Variants in NOC4L observed in about 807,000 individuals in gnomAD.
NOC4L encodes nucleolar complex associated 4 homolog.
NOC4L carries 40 observed loss-of-function variants against 62.8 expected under a neutral mutation model. The ratio of observed to expected loss-of-function variants is 0.64; its 90% CI spans 0.49 to 0.83. The LOEUF is 0.83. Among genes scored for constraint, NOC4L ranks in the 40% least tolerant of loss-of-function variants. The pLI is 0.00. For synonymous variants in NOC4L, 433 were observed against 299.8 expected, an observed-to-expected ratio of 1.44 and a Z score of -4.59; for missense variants, 927 against 701.9, an observed-to-expected ratio of 1.32 and a Z score of -3.62.
intron 7 of NOC4L, 88 bp from the exon 8 acceptor site, chr12:132,148,521 C>A: frequency 7.0e-7 from 1 of 1,430,274 alleles, no homozygotes; most frequent in Non-Finnish European, 9.6e-7. Flanking sequence ...TGTGTTGGCT[C>A]AGGCTGGGCT....
At chr12:132,147,130 T>G in intron 3 of NOC4L, 151 bp from the exon 4 acceptor site, 2 of 516,698 alleles carry the variant, frequency 3.9e-6, no homozygotes, top group South Asian at 5.9e-5. Context: ...AAGCCCAGAG[T>G]GGCATCTGGT....
intron 8 of NOC4L, 38 bp from the exon 9 acceptor site, chr12:132,148,728 GACCCGCCGGCCCCCGCCC>G: frequency 4.1e-6 from 1 of 245,380 alleles, no homozygotes; most frequent in Non-Finnish European, 6.1e-6. Flanking sequence ...GCCTCACCCC[GACCCGCCGGCCCCCGCCC>G]ACCCGCCCCT....
chr12:132,152,071 C>T lies in NOC4L; in HGVS notation c.1318-13C>T, dbSNP rs1263908833. 5.0e-6 allele frequency: 8 copies of T among 1,602,628 alleles called. No homozygotes were observed. Among genetic ancestry groups the T allele is most frequent in the Admixed American group, 3.4e-5 (2 of 58,818 alleles). On this transcript the variant is annotated splice_polypyrimidine_tract_variant and intron_variant, in intron 13 of 14. Coordinates refer to ENST00000330579, the MANE Select transcript of NOC4L (RefSeq NM_024078.3). ...CCTGGGGCAGCTGCCTCTTAACGGC[C>T]CTACTGCCCCAGGCCCTCCAGCGCC...
chr12:132,145,715 C>T lies in NOC4L; in HGVS notation c.345+50C>T, dbSNP rs765143399. On this transcript the variant is annotated intron_variant, in intron 3 of 14. Coordinates refer to ENST00000330579, the MANE Select transcript of NOC4L (RefSeq NM_024078.3). ...CTTGTCCATCCCCTGCACCCCAACT[C>T]CCAGGTTATCCACAAAGCAGAGGTC... 7 of 1,295,058 alleles carry T rather than the reference C, an allele frequency of 5.4e-6. No homozygotes were observed. In the African/African-American group the frequency reaches 8.8e-5, roughly 16 times the overall value. The allele number at this position is 1,295,058 out of a possible 1,614,324, so 80.2% of individuals were successfully genotyped here.
At chr12:132,146,354 G>A (rs539097412) in intron 3 of NOC4L, 16 of 455,556 alleles carry the variant, frequency 3.5e-5, no homozygotes, top group Non-Finnish European at 5.3e-5. Flanking sequence ...AGCACGTATC[G>A]TTCAGCCGCT....
intron 2 of NOC4L, 27 bp from the exon 3 acceptor site, chr12:132,145,531 TG>T: frequency 1.3e-6 from 2 of 1,530,688 alleles, no homozygotes; most frequent in Non-Finnish European, 1.8e-6. Flanking sequence ...GGGCCTCACG[TG>T]GGCTGACCAC....
chr12:132,144,763 C>T lies in NOC4L; in HGVS notation c.118-91C>T, dbSNP rs1440281325. 2.3e-5 allele frequency: 34 copies of T among 1,506,512 alleles called. No individual in the cohort carries two copies. The African/African-American group carries it at 3.6e-4, about 16-fold the overall frequency. The allele number at this position is 1,506,512 out of a possible 1,614,324, so 93.3% of individuals were successfully genotyped here. On this transcript the variant is annotated intron_variant, in intron 1 of 14. Transcript: ENST00000330579. ...GGTCGGGGGTGACGGGGCTGGCGTC[C>T]CGAGGGGGAAGGGAACGGGTTGGGG...
In NOC4L at chr12:132,147,947, C is replaced by A; in HGVS notation, c.671C>A (p.Pro224His). The A allele has an allele frequency of 6.2e-7, 1 of 1,608,744 alleles. No homozygotes were observed. The highest frequency in any genetic ancestry group is 8.5e-7 in the Non-Finnish European group (1 of 1,178,074). The change falls in exon 6 of 15, where the codon CCC becomes CAC. Residue 224 changes from proline to histidine, a missense_variant. Transcript: ENST00000330579. ...GCCGTGAGCCTGCCCCGCCGGGAGCCCACCGTCTCCAGCTTCTATGTGAAG... is the reference window on the plus strand; with the variant it reads ...GCCGTGAGCCTGCCCCGCCGGGAGCACACCGTCTCCAGCTTCTATGTGAAG... ...LSAVSLPRREPTVSSFYVKRA... is the reference protein window; with the variant it reads ...LSAVSLPRREHTVSSFYVKRA...
Position 132,147,935 on chromosome 12 carries a change from C to G in NOC4L, c.659C>G (p.Pro220Arg). ...AFTLLSAVSL[P>R]RREPTVSSFY... is the part of the protein sequence containing the mutation. ...ACGCTGCTGTCTGCCGTGAGCCTGC[C>G]CCGCCGGGAGCCCACCGTCTCCAGC... Residue 220 changes from proline (P) to arginine (R), a missense_variant, in exon 6 of 15, where the codon CCC (proline) becomes CGC (arginine). By Grantham distance (103) the Pro-to-Arg change is moderately radical. Coordinates refer to ENST00000330579, the MANE Select transcript of NOC4L (RefSeq NM_024078.3). The G allele has an allele frequency of 1.9e-6, 3 of 1,606,650 alleles. No individual in the cohort carries two copies. Among genetic ancestry groups the G allele is most frequent in the Non-Finnish European group, 2.5e-6 (3 of 1,177,228 alleles).
Position 132,151,061 on chromosome 12 carries a change from C to A in NOC4L, c.962+20C>A. 1 of 1,603,256 alleles carries A rather than the reference C, an allele frequency of 6.2e-7. No individual in the cohort carries two copies. On this transcript the variant is annotated intron_variant, in intron 10 of 14. Coordinates refer to ENST00000330579, the MANE Select transcript of NOC4L (RefSeq NM_024078.3). Reference sequence around the variant, plus strand: ...CAACCTGTGAGTGTCACCAGGGGTGCAGGTCTTCTTCCCAGTCTGCCCAGC... The same window carrying A: ...CAACCTGTGAGTGTCACCAGGGGTGAAGGTCTTCTTCCCAGTCTGCCCAGC...
At position 132,147,860 on chromosome 12, in the gene NOC4L, A is replaced by C. The variant is rs1356784881; in HGVS notation, c.604-20A>C. 1 of 1,609,572 alleles carries C rather than the reference A, an allele frequency of 6.2e-7. No homozygotes were observed. The highest frequency in any genetic ancestry group is 1.7e-5 in the Admixed American group (1 of 59,914). ...AGGGACTGGGGGGCGGCGTCCAGGCACTCAGGCCAGGCTCCGCAGGTGCCC... is the reference window on the plus strand; with the variant it reads ...AGGGACTGGGGGGCGGCGTCCAGGCCCTCAGGCCAGGCTCCGCAGGTGCCC... On this transcript the variant is annotated intron_variant, in intron 5 of 14. Coordinates refer to ENST00000330579, the MANE Select transcript of NOC4L (RefSeq NM_024078.3).
At chr12:132,144,799 C>T (rs111232707) in intron 1 of NOC4L, 55 bp from the exon 2 acceptor site, 243 of 1,568,592 alleles carry the variant, frequency 1.5e-4, no homozygotes, top group Non-Finnish European at 2.0e-4. Context: ...GCAGCCTAGG[C>T]AGGGGCGAAG....
chr12:132,145,812 A>C, intron 3 of NOC4L, 147 bp downstream of exon 3: 1 of 602,126 alleles, frequency 1.7e-6, no homozygotes. Context: ...GTTCAGTCCC[A>C]TTCAGAAACA....
chr12:132,148,002 G>A (rs759403506), intron 6 of NOC4L, 23 bp downstream of exon 6: 1 of 1,612,512 alleles, frequency 6.2e-7, no homozygotes, highest in Non-Finnish European at 8.5e-7. Context: ...AGAGTCAGGG[G>A]CGGACAGGGC....
intron 9 of NOC4L, 106 bp downstream of exon 9, chr12:132,149,001 A>G (rs79428881): frequency 0.12 from 11,355 of 91,348 alleles, 1,385 homozygotes; most frequent in East Asian, 0.22. Flanking sequence ...CCGCCGCCTC[A>G]CTCCTACCAC....
chr12:132,152,026 C>A, intron 13 of NOC4L, 58 bp from the exon 14 acceptor site: 1 of 1,498,892 alleles, frequency 6.7e-7, no homozygotes, highest in Non-Finnish European at 9.0e-7. Context: ...GAGGCCATGG[C>A]TGGGGGCACA....
Position 132,144,884 on chromosome 12 carries a change from G to C in NOC4L, c.148G>C (p.Val50Leu), listed in dbSNP as rs752307819. Residue 50 changes from valine (V) to leucine (L), a missense_variant, in exon 2 of 15, where the codon GTC becomes CTC. Physicochemically the swap from Val to Leu is conservative, Grantham distance 32. Transcript: ENST00000330579. ...SEDQEEIQEA[V>L]RTCSRLFGAL... ...GGACCAGGAGGAGATCCAGGAAGCA[G>C]TCCGCACGTGCAGCCGTCTTTTCGG... The C allele has an allele frequency of 6.9e-6, 11 of 1,602,270 alleles. No individual in the cohort carries two copies. In the Admixed American group the frequency reaches 6.9e-5, roughly 10 times the overall value.
In NOC4L at chr12:132,147,867, C is replaced by T; in HGVS notation, c.604-13C>T. 2 of 1,609,544 alleles carry T rather than the reference C, an allele frequency of 1.2e-6. No homozygotes were observed. On this transcript the variant is annotated splice_polypyrimidine_tract_variant and intron_variant, in intron 5 of 14. Transcript: ENST00000330579. ...GGGGGGCGGCGTCCAGGCACTCAGG[C>T]CAGGCTCCGCAGGTGCCCCCCGCCT...
intron 2 of NOC4L, among the ~76,000 whole-genome samples, chr12:132,145,217 T>A (rs1450097757): frequency 6.6e-6 from 1 of 152,192 alleles, no homozygotes; most frequent in East Asian, 1.9e-4. Flanking sequence ...ACCCCTTTTG[T>A]AATTTGATGT....
Sources: gnomAD v4.1 joint callset for allele counts (sites outside exome capture counted in the v4.1 genomes callset) on GRCh38, gnomAD v4.1.1 for gene constraint, MANE v1.5 for transcripts, NCBI Gene and HGNC (gene_info 2026-07-23, HGNC 2026-07-21) for gene names.